Variants in UGT1A7 observed in about 807,000 individuals in gnomAD.
UGT1A7 encodes UDP glucuronosyltransferase family 1 member A7.
UGT1A7 carries 33 observed loss-of-function variants against 45.6 expected under a neutral mutation model. The ratio of observed to expected loss-of-function variants is 0.72; its 90% CI spans 0.55 to 0.97. The LOEUF is 0.97. Ranked by LOEUF, UGT1A7 falls within the 50% of genes least tolerant of loss-of-function variation. The pLI is 0.00. For missense variants in UGT1A7, 684 were observed against 666.2 expected (o/e 1.03, Z -0.29); for synonymous variants, 274 against 250.6 (o/e 1.09, Z -0.88).
chr2:233,707,287 A>G (rs1559355185), intron 1 of UGT1A7, among the ~76,000 whole-genome samples: 1 of 152,088 alleles, frequency 6.6e-6, no homozygotes, highest in Non-Finnish European at 1.5e-5. Context: ...CAGGGCACAC[A>G]TGCAGGATGT....
chr2:233,693,562 A>C, intron 1 of UGT1A7: 1 of 1,614,236 alleles, frequency 6.2e-7, no homozygotes, highest in Non-Finnish European at 8.5e-7. Flanking sequence ...GCAGAAGCCC[A>C]GACCCTGTGT....
chr2:233,725,805 C>A (rs2077476454), intron 1 of UGT1A7, among the ~76,000 whole-genome samples: 1 of 152,220 alleles, frequency 6.6e-6, no homozygotes, highest in Non-Finnish European at 1.5e-5. Context: ...TCCTTAAAAT[C>A]CATTTTATTG....
chr2:233,760,450 C>CA lies in UGT1A7; in HGVS notation c.856-6583dup. On this transcript the variant is annotated intron_variant, in intron 1 of 4. Coordinates refer to ENST00000373426, the MANE Select transcript of UGT1A7 (RefSeq NM_019077.3). ...CATCCAGCAGCTGCAGCAGAGGGGA[C>CA]ATGAAATAGTTGTCCTAGCACCTGA... 1.2e-6 allele frequency: 2 copies of CA among 1,614,202 alleles called. No individual in the cohort carries two copies. The highest frequency in any genetic ancestry group is 1.7e-6 in the Non-Finnish European group (2 of 1,180,036).
chr2:233,737,660 A>G (rs535932919), intron 1 of UGT1A7, among the ~76,000 whole-genome samples: 3 of 152,292 alleles, frequency 2.0e-5, no homozygotes, highest in East Asian at 3.9e-4. Context: ...GGAGCTGCAG[A>G]TCGGAGCTGT....
At chr2:233,756,870 A>C (rs1360096515) in intron 1 of UGT1A7, among the ~76,000 whole-genome samples, 4 of 152,134 alleles carry the variant, frequency 2.6e-5, no homozygotes, top group Admixed American at 2.6e-4. Flanking sequence ...AAAGGGTATT[A>C]GGTGTAATGA....
At position 233,719,232 on chromosome 2, in the gene UGT1A7, A is replaced by G. The variant is rs1490347566; in HGVS notation, c.855+36440A>G. 6 of 1,614,104 alleles carry G rather than the reference A, an allele frequency of 3.7e-6. No individual in the cohort carries two copies. In the African/African-American group the frequency reaches 8.0e-5, roughly 22 times the overall value. On this transcript the variant is annotated intron_variant, in intron 1 of 4. Coordinates refer to ENST00000373426, the MANE Select transcript of UGT1A7 (RefSeq NM_019077.3). The stretch of plus-strand genomic sequence containing the variant: ...GGAGCTACTGCATAATGAGGCCCTG[A>G]TCAGGCACCTGAATGCTACTTCCTT...
At chr2:233,768,483 T>G in intron 4 of UGT1A7, 44 bp downstream of exon 4, 1 of 1,586,708 alleles carries the variant, frequency 6.3e-7, no homozygotes. Flanking sequence ...ATGGCATTCA[T>G]GATAAAATTG....
chr2:233,758,754 A>T (rs888171679), intron 1 of UGT1A7, among the ~76,000 whole-genome samples: 16 of 152,250 alleles, frequency 1.1e-4, no homozygotes, highest in Middle Eastern at 6.8e-3. Flanking sequence ...CTGGCCAGTG[A>T]TGTGTATGGT....
At chr2:233,717,512 A>G (rs2076582211) in intron 1 of UGT1A7, among the ~76,000 whole-genome samples, 1 of 152,150 alleles carries the variant, frequency 6.6e-6, no homozygotes, top group Non-Finnish European at 1.5e-5. Flanking sequence ...TTCTAATGGG[A>G]GTAACTTCCT....
intron 1 of UGT1A7, among the ~76,000 whole-genome samples, chr2:233,750,910 G>A (rs1371262201): frequency 6.6e-6 from 1 of 151,884 alleles, no homozygotes; most frequent in African/African-American, 2.4e-5. Flanking sequence ...GCTAGAGAAG[G>A]GTGGTAAAGA....
At chr2:233,712,571 G>T (rs2076241686) in intron 1 of UGT1A7, among the ~76,000 whole-genome samples, 1 of 152,174 alleles carries the variant, frequency 6.6e-6, no homozygotes, top group African/African-American at 2.4e-5. Flanking sequence ...AGCAAATAGG[G>T]TCACATCCAG....
chr2:233,685,727 G>T (rs150254106), intron 1 of UGT1A7, among the ~76,000 whole-genome samples: 13 of 152,194 alleles, frequency 8.5e-5, no homozygotes, highest in African/African-American at 2.9e-4. Context: ...GTACTGCTTC[G>T]TCTTTCTCCA....
intron 1 of UGT1A7, among the ~76,000 whole-genome samples, chr2:233,757,869 G>C (rs1204071676): frequency 2.6e-5 from 4 of 151,938 alleles, no homozygotes; most frequent in African/African-American, 7.3e-5. Context: ...AAAGAAAGTA[G>C]CTTCAAAAGG....
At chr2:233,765,660 C>G (rs1450693381) in intron 1 of UGT1A7, among the ~76,000 whole-genome samples, 1 of 151,428 alleles carries the variant, frequency 6.6e-6, no homozygotes, top group South Asian at 2.1e-4. Flanking sequence ...GTGCAGCAAA[C>G]CACCATGGCA....
chr2:233,682,406 G>T lies in UGT1A7; in HGVS notation c.469G>T (p.Val157Phe), dbSNP rs1420608459. 1 of 1,613,816 alleles carries T rather than the reference G, an allele frequency of 6.2e-7. No homozygotes were observed. Residue 157 changes from valine (V) to phenylalanine (F), a missense_variant, in exon 1 of 5, where the codon GTT (valine) becomes TTT (phenylalanine). Transcript: ENST00000373426. Reference sequence around the variant, plus strand: ...TCCTTTTGATGCCTGTGGCTTAATTGTTGCCAAATATTTCTCCCTCCCCTC... The same window carrying T: ...TCCTTTTGATGCCTGTGGCTTAATTTTTGCCAAATATTTCTCCCTCCCCTC... Reference protein sequence around the residue: ...LDPFDACGLIVAKYFSLPSVV... With the variant: ...LDPFDACGLIFAKYFSLPSVV...
chr2:233,760,932 T>C, intron 1 of UGT1A7: 1 of 1,614,198 alleles, frequency 6.2e-7, no homozygotes, highest in Non-Finnish European at 8.5e-7. Context: ...ACATGCTCAT[T>C]GCCTTTTCAC....
chr2:233,769,857 C>CA lies in UGT1A7; in HGVS notation c.1295+1435dup, dbSNP rs879204025. On this transcript the variant is annotated intron_variant, in intron 4 of 4. Coordinates refer to ENST00000373426, the MANE Select transcript of UGT1A7 (RefSeq NM_019077.3). This position sits in a 1 kb window ranked among gnomAD's most constrained non-coding sequence, Gnocchi z 4.4. ...TGGGCAACAGAGTGAGACCCTGTCT[C>CA]AAAAAAAAAAAAAAAAATGAAAAGT... The CA allele has an allele frequency of 0.16, 34,791 of 223,900 alleles. 2,719 individuals are homozygous for CA. Among genetic ancestry groups the CA allele is most frequent in the African/African-American group, 0.37 (13,208 of 35,902 alleles). 13.9% of individuals were successfully genotyped at this position (223,900 alleles called of 1,614,324 possible).
At chr2:233,746,424 C>T (rs1693388244) in intron 1 of UGT1A7, among the ~76,000 whole-genome samples, 1 of 151,702 alleles carries the variant, frequency 6.6e-6, no homozygotes, top group South Asian at 2.1e-4. Context: ...GACCTATTAA[C>T]TTATGTCTTC....
chr2:233,760,363 C>A lies in UGT1A7; in HGVS notation c.856-6671C>A, dbSNP rs1400895192. On this transcript the variant is annotated intron_variant, in intron 1 of 4. Transcript: ENST00000373426. ...GTGTGTGCTGGGCCCAGTGGTGTCC[C>A]ATGCTGGGAAGATACTGTTGATCCC... is the stretch of plus-strand genomic sequence containing the variant. 5.0e-6 allele frequency: 8 copies of A among 1,614,118 alleles called. No homozygotes were observed. In the East Asian group the frequency reaches 1.8e-4, roughly 36 times the overall value.
Sources: gnomAD v4.1 joint callset for allele counts (sites outside exome capture counted in the v4.1 genomes callset) on GRCh38, gnomAD v4.1.1 for gene constraint, Gnocchi (gnomAD v3.1) non-coding constraint, MANE v1.5 for transcripts, NCBI Gene and HGNC (gene_info 2026-07-23, HGNC 2026-07-21) for gene names.